KATNAL1: variants seen among roughly 807,000 people sequenced by gnomAD.
The protein encoded by KATNAL1 is katanin catalytic subunit A1 like 1.
In KATNAL1, 32 loss-of-function variants were observed where a neutral mutation model predicts 55.2. The ratio of observed to expected loss-of-function variants is 0.58; its 90% CI spans 0.44 to 0.78. KATNAL1 has a LOEUF of 0.78. KATNAL1 is among the 30% of genes least tolerant of loss of function. The probability of loss-of-function intolerance (pLI) is 0.00; values close to 1 mark genes in which losing one functional copy is unlikely to be tolerated. For synonymous variants in KATNAL1, 193 were observed against 193.6 expected (o/e 1.00, Z 0.02); for missense variants, 466 against 600.9 (o/e 0.78, Z 2.35).
At chr13:30,290,890 T>G (rs1013512465) in intron 1 of KATNAL1, among the ~76,000 whole-genome samples, 2 of 152,198 alleles carry the variant, frequency 1.3e-5, no homozygotes, top group African/African-American at 4.8e-5. Context: ...AGAAAATGTA[T>G]TTGACAAAAT....
intron 3 of KATNAL1, among the ~76,000 whole-genome samples, chr13:30,256,485 T>C (rs1488081135): frequency 6.6e-6 from 1 of 152,202 alleles, no homozygotes; most frequent in African/African-American, 2.4e-5. Flanking sequence ...TATGTATCTG[T>C]AGCCCTCTAG....
At chr13:30,241,207 T>C (rs1450357224) in intron 4 of KATNAL1, 121 bp from the exon 5 acceptor site, 4 of 885,464 alleles carry the variant, frequency 4.5e-6, no homozygotes, top group East Asian at 5.3e-5. Flanking sequence ...TTTAAGGTAG[T>C]ATTTTCTGAT....
chr13:30,249,605 A>C (rs1304823289), intron 4 of KATNAL1, among the ~76,000 whole-genome samples: 1 of 152,180 alleles, frequency 6.6e-6, no homozygotes, highest in East Asian at 1.9e-4. Flanking sequence ...TCACAAATAC[A>C]CCTTGAACAA....
At chr13:30,254,075 T>A (rs959214368) in intron 4 of KATNAL1, among the ~76,000 whole-genome samples, 1 of 151,742 alleles carries the variant, frequency 6.6e-6, no homozygotes, top group African/African-American at 2.4e-5. Flanking sequence ...TGGTTTCTCT[T>A]ATGTAAATTC....
chr13:30,220,730 ACT>A (rs757874959), intron 9 of KATNAL1, among the ~76,000 whole-genome samples: 1 of 151,530 alleles, frequency 6.6e-6, no homozygotes, highest in Non-Finnish European at 1.5e-5. Flanking sequence ...ATGGAGTCTC[ACT>A]CTGTCACCCA....
intron 3 of KATNAL1, among the ~76,000 whole-genome samples, chr13:30,266,644 T>A (rs1879805908): frequency 6.6e-6 from 1 of 152,154 alleles, no homozygotes; most frequent in African/African-American, 2.4e-5. Flanking sequence ...ATATTCCAAA[T>A]ACATAAAAAA....
chr13:30,303,292 A>T (rs1053567916), intron 1 of KATNAL1, among the ~76,000 whole-genome samples: 1 of 152,248 alleles, frequency 6.6e-6, no homozygotes, highest in Non-Finnish European at 1.5e-5. Context: ...CTCACAATCT[A>T]TGCCTTGAAT....
chr13:30,283,856 T>C, intron 1 of KATNAL1, 65 bp from the exon 2 acceptor site: 1 of 1,110,668 alleles, frequency 9.0e-7, no homozygotes, highest in Non-Finnish European at 1.3e-6. Flanking sequence ...TTTATTATTC[T>C]TTAAAATATG....
chr13:30,293,225 T>C (rs1882254813), intron 1 of KATNAL1, among the ~76,000 whole-genome samples: 1 of 152,212 alleles, frequency 6.6e-6, no homozygotes, highest in Admixed American at 6.5e-5. Context: ...CCTCCTTTTT[T>C]CCACCTCTCT....
chr13:30,291,757 C>T (rs965502726), intron 1 of KATNAL1, among the ~76,000 whole-genome samples: 1 of 152,046 alleles, frequency 6.6e-6, no homozygotes, highest in Admixed American at 6.5e-5. Context: ...TAATCATGGC[C>T]GGGCACGGTG....
At chr13:30,283,967 C>CCAGGTT (rs1172160559) in intron 1 of KATNAL1, among the ~76,000 whole-genome samples, 176 bp from the exon 2 acceptor site, 2 of 151,916 alleles carry the variant, frequency 1.3e-5, no homozygotes, top group African/African-American at 4.8e-5. Context: ...CCTCCACCTC[C>CCAGGTT]CAGGTTCAAG....
chr13:30,225,404 T>C (rs769539710), intron 9 of KATNAL1, among the ~76,000 whole-genome samples: 8 of 151,778 alleles, frequency 5.3e-5, no homozygotes, highest in Non-Finnish European at 7.4e-5. Context: ...ATAAAAAAAA[T>C]AGACAAATTA....
chr13:30,217,323 G>A (rs1272149300), intron 9 of KATNAL1, among the ~76,000 whole-genome samples: 4 of 152,032 alleles, frequency 2.6e-5, no homozygotes, highest in Non-Finnish European at 4.4e-5. Flanking sequence ...GCGTGGTGGC[G>A]GACAACTGTA....
intron 1 of KATNAL1, chr13:30,306,694 T>A (rs1193594611): frequency 6.6e-6 from 1 of 152,148 alleles, no homozygotes; most frequent in South Asian, 2.1e-4. Context: ...AATAAACGTA[T>A]CCAGGAAAGG....
chr13:30,240,286 A>G (rs776391944), intron 6 of KATNAL1, among the ~76,000 whole-genome samples, 174 bp downstream of exon 6: 6 of 152,256 alleles, frequency 3.9e-5, no homozygotes, highest in Non-Finnish European at 7.3e-5. Context: ...CTCTCCTGCT[A>G]TGCAGATGTA....
At chr13:30,302,016 T>C (rs1364875186) in intron 1 of KATNAL1, among the ~76,000 whole-genome samples, 1 of 152,076 alleles carries the variant, frequency 6.6e-6, no homozygotes, top group African/African-American at 2.4e-5. Flanking sequence ...GGACCACGGG[T>C]GTGCGCAGCC....
chr13:30,230,428 A>T (rs1368230426), intron 8 of KATNAL1, 40 bp downstream of exon 8: 5 of 1,580,900 alleles, frequency 3.2e-6, no homozygotes, highest in Non-Finnish European at 4.3e-6. Flanking sequence ...CAAAATATTT[A>T]AAAATGAGAG....
chr13:30,238,892 T>C (rs892874904), intron 6 of KATNAL1, among the ~76,000 whole-genome samples: 4 of 152,174 alleles, frequency 2.6e-5, no homozygotes, highest in Non-Finnish European at 4.4e-5. Flanking sequence ...AAGGCACATA[T>C]AAACCTAAGA....
intron 9 of KATNAL1, among the ~76,000 whole-genome samples, chr13:30,212,556 G>GCCAC (rs1364875078): frequency 1.3e-5 from 2 of 152,176 alleles, no homozygotes; most frequent in African/African-American, 2.4e-5. Flanking sequence ...CAGCAAAGGT[G>GCCAC]CCACCAAGGA....
Sources: allele counts gnomAD v4.1 joint callset (sites outside exome capture counted in the v4.1 genomes callset), GRCh38; gene constraint gnomAD v4.1.1; transcripts MANE v1.5; gene names NCBI Gene and HGNC (gene_info 2026-07-23, HGNC 2026-07-21).